The following GDPD4 variants were observed in gnomAD, a reference collection of about 807,000 sequenced individuals.
GDPD4 encodes the protein glycerophosphodiester phosphodiesterase domain containing 4.
GDPD4 carries 60 observed loss-of-function variants against 67.8 expected under a neutral mutation model. The ratio of observed to expected loss-of-function variants is 0.88; its 90% CI spans 0.72 to 1.10. The LOEUF is 1.10. Ranked by LOEUF, GDPD4 falls within the 50% of genes least tolerant of loss-of-function variation. The pLI, the probability that GDPD4 is intolerant of heterozygous loss-of-function variation, is 0.00. For synonymous variants in GDPD4, 212 were observed against 210.9 expected (o/e 1.00, Z -0.04); for missense variants, 623 against 613.9 (o/e 1.01, Z -0.16).
chr11:77,271,272 T>G, intron 6 of GDPD4, 23 bp downstream of exon 6: 1 of 1,608,416 alleles, frequency 6.2e-7, no homozygotes, highest in Non-Finnish European at 8.5e-7. Flanking sequence ...CAGCTAGTGC[T>G]GGAGCTATAG....
intron 4 of GDPD4, among the ~76,000 whole-genome samples, chr11:77,276,589 C>T (rs1959480103): frequency 6.6e-6 from 1 of 152,196 alleles, no homozygotes; most frequent in Admixed American, 6.5e-5. Flanking sequence ...ATTACTTGGA[C>T]TCACTTGTAA....
intron 10 of GDPD4, among the ~76,000 whole-genome samples, chr11:77,267,195 TG>T (rs1959182049): frequency 6.6e-6 from 1 of 152,246 alleles, no homozygotes; most frequent in Non-Finnish European, 1.5e-5. Flanking sequence ...AGTAACATGC[TG>T]TACAGGCTTG....
chr11:77,296,250 CAAAAAAA>C (rs200238027), intron 1 of GDPD4, among the ~76,000 whole-genome samples: 2 of 103,466 alleles, frequency 1.9e-5, no homozygotes, highest in Admixed American at 1.1e-4. Flanking sequence ...GACTTCGTCT[CAAAAAAA>C]AAAAAAAAAA....
At chr11:77,252,060 T>C (rs7482586) in intron 11 of GDPD4, among the ~76,000 whole-genome samples, 2 of 53,758 alleles carry the variant, frequency 3.7e-5, no homozygotes, top group Non-Finnish European at 5.2e-5. Flanking sequence ...GTTTGTTTTT[T>C]TTTTGTTTTT....
chr11:77,279,291 A>G lies in GDPD4; in HGVS notation c.147+15T>C, dbSNP rs1442190722. 2 of 1,541,954 alleles carry G rather than the reference A, an allele frequency of 1.3e-6. No individual in the cohort carries two copies. Among genetic ancestry groups the G allele is most frequent in the Admixed American group, 1.7e-5 (1 of 59,860 alleles). On this transcript the variant is annotated intron_variant, in intron 4 of 16. Coordinates refer to ENST00000315938, the MANE Select transcript of GDPD4 (RefSeq NM_182833.3). ...ACTCAGGAAGGGAGTGGAAGAAATGAGAAGCATTACTCACCAACAGCAATG... is the reference window on the plus strand; with the variant it reads ...ACTCAGGAAGGGAGTGGAAGAAATGGGAAGCATTACTCACCAACAGCAATG...
chr11:77,233,449 A>G (rs1958494446), intron 13 of GDPD4, among the ~76,000 whole-genome samples: 2 of 86,430 alleles, frequency 2.3e-5, no homozygotes, highest in South Asian at 6.4e-4. Flanking sequence ...ACATATTGAA[A>G]AAAAAAAAAA....
intron 4 of GDPD4, among the ~76,000 whole-genome samples, chr11:77,278,671 G>T (rs1292856606): frequency 6.6e-6 from 1 of 152,200 alleles, no homozygotes; most frequent in Non-Finnish European, 1.5e-5. Context: ...GGTGAAATCA[G>T]AGAAAGTTAT....
At chr11:77,260,576 A>T (rs1287785911) in intron 10 of GDPD4, among the ~76,000 whole-genome samples, 1 of 152,204 alleles carries the variant, frequency 6.6e-6, no homozygotes, top group African/African-American at 2.4e-5. Context: ...TGGAAGAGGA[A>T]TTACTCAACA....
chr11:77,283,816 C>T (rs1259377625), intron 3 of GDPD4, among the ~76,000 whole-genome samples: 1 of 149,964 alleles, frequency 6.7e-6, no homozygotes, highest in East Asian at 1.9e-4. Context: ...TTGCTATAAC[C>T]TTTTGAGAAA....
intron 10 of GDPD4, among the ~76,000 whole-genome samples, chr11:77,266,786 A>G (rs944091075): frequency 6.6e-6 from 1 of 152,220 alleles, no homozygotes; most frequent in African/African-American, 2.4e-5. Context: ...TTAGAGAATA[A>G]GGTTATAAAG....
intron 13 of GDPD4, among the ~76,000 whole-genome samples, chr11:77,239,628 A>G (rs1159222039): frequency 1.3e-5 from 2 of 152,136 alleles, no homozygotes; most frequent in African/African-American, 4.8e-5. Context: ...AAACTTTACC[A>G]AGGAGGTGAA....
chr11:77,278,521 C>T (rs546972892), intron 4 of GDPD4, among the ~76,000 whole-genome samples: 3 of 152,298 alleles, frequency 2.0e-5, no homozygotes, highest in South Asian at 4.1e-4. Flanking sequence ...TATTGATCTT[C>T]GTATACTCAG....
chr11:77,282,094 A>G (rs1050753089), intron 3 of GDPD4, among the ~76,000 whole-genome samples: 7 of 152,232 alleles, frequency 4.6e-5, no homozygotes, highest in African/African-American at 1.7e-4. Flanking sequence ...AGAATGGCTT[A>G]TAACTCAGAA....
intron 1 of GDPD4, among the ~76,000 whole-genome samples, chr11:77,297,321 C>T (rs915438902): frequency 1.3e-5 from 2 of 151,488 alleles, no homozygotes; most frequent in African/African-American, 4.9e-5. Context: ...CCGAGGTGGG[C>T]GGATCACGAG....
At chr11:77,257,890 G>C (rs919091894) in intron 11 of GDPD4, among the ~76,000 whole-genome samples, 2 of 152,046 alleles carry the variant, frequency 1.3e-5, no homozygotes, top group African/African-American at 4.8e-5. Context: ...AAATTAACTC[G>C]TTTTGCTCTT....
At chr11:77,287,661 A>G (rs1480909535) in intron 1 of GDPD4, among the ~76,000 whole-genome samples, 3 of 152,234 alleles carry the variant, frequency 2.0e-5, no homozygotes, top group East Asian at 1.9e-4. Flanking sequence ...TCTCACCTCT[A>G]AAGTGGGACA....
intron 16 of GDPD4, chr11:77,224,169 C>T (rs939590009): frequency 1.3e-5 from 2 of 152,166 alleles, no homozygotes; most frequent in Admixed American, 6.6e-5. Flanking sequence ...GATGTCCTGC[C>T]CTGCTTCTGC....
intron 11 of GDPD4, among the ~76,000 whole-genome samples, chr11:77,253,863 C>T (rs140203009): frequency 0.013 from 1,954 of 152,212 alleles, 15 homozygotes; most frequent in Middle Eastern, 0.017. Flanking sequence ...GCCAAAGCAC[C>T]GTATCCCCAG....
At chr11:77,242,536 G>A (rs960691681) in intron 13 of GDPD4, among the ~76,000 whole-genome samples, 3 of 152,078 alleles carry the variant, frequency 2.0e-5, no homozygotes, top group Non-Finnish European at 4.4e-5. Flanking sequence ...TTTCCAAAGA[G>A]ACCAAAGTAG....
Sources: allele counts gnomAD v4.1 joint callset (sites outside exome capture counted in the v4.1 genomes callset), GRCh38; gene constraint gnomAD v4.1.1; transcripts MANE v1.5; gene names NCBI Gene and HGNC (gene_info 2026-07-23, HGNC 2026-07-21).